RORB: variants seen among roughly 807,000 people sequenced by gnomAD.
RORB encodes the protein RAR related orphan receptor B.
RORB carries 6 observed loss-of-function variants against 59.1 expected under a neutral mutation model. The ratio of observed to expected loss-of-function variants is 0.10; its 90% CI spans 0.06 to 0.20. The LOEUF (loss-of-function observed/expected upper bound fraction) is 0.20, where lower values mean the gene tolerates loss of function less well. Ranked by LOEUF, RORB falls within the 10% of genes least tolerant of loss-of-function variation. The pLI, the probability that RORB is intolerant of heterozygous loss-of-function variation, is 1.00. For synonymous variants in RORB, 215 were observed against 204.5 expected (o/e 1.05, Z -0.44); for missense variants, 320 against 560.5 (o/e 0.57, Z 4.33).
At chr9:74,565,926 A>G (rs539604535) in intron 1 of RORB, among the ~76,000 whole-genome samples, 1 of 152,328 alleles carries the variant, frequency 6.6e-6, no homozygotes, top group South Asian at 2.1e-4. Flanking sequence ...TGCTCTTTGA[A>G]CAAGATGTTC....
intron 1 of RORB, among the ~76,000 whole-genome samples, chr9:74,616,451 G>A (rs1350980938): frequency 6.6e-6 from 1 of 152,092 alleles, no homozygotes; most frequent in Admixed American, 6.6e-5. Context: ...CCTGGTGCTT[G>A]TATTTGTAGG....
chr9:74,565,156 C>G (rs929858792), intron 1 of RORB, among the ~76,000 whole-genome samples: 8 of 152,168 alleles, frequency 5.3e-5, no homozygotes, highest in African/African-American at 1.9e-4. Flanking sequence ...TATTCAGTAA[C>G]TAATGACATG....
At chr9:74,535,539 C>T (rs189985546) in intron 1 of RORB, among the ~76,000 whole-genome samples, 4 of 151,250 alleles carry the variant, frequency 2.6e-5, no homozygotes, top group South Asian at 4.2e-4. Context: ...ATCAATACCG[C>T]CCCCCCACCC....
chr9:74,660,596 A>G, intron 4 of RORB, 21 bp from the exon 5 acceptor site: 2 of 1,597,932 alleles, frequency 1.3e-6, no homozygotes, highest in Non-Finnish European at 1.7e-6. Flanking sequence ...CAAACCTTTG[A>G]ATTGATATCT....
intron 1 of RORB, among the ~76,000 whole-genome samples, chr9:74,518,771 G>T (rs1269280939): frequency 1.3e-5 from 2 of 151,954 alleles, no homozygotes; most frequent in Non-Finnish European, 2.9e-5. Context: ...AAATCAAACA[G>T]ATATAAGATG....
chr9:74,672,426 C>G (rs1824363003), intron 9 of RORB, among the ~76,000 whole-genome samples: 1 of 152,150 alleles, frequency 6.6e-6, no homozygotes, highest in African/African-American at 2.4e-5. Context: ...TTATAAATGA[C>G]ATTCCTACTC....
intron 1 of RORB, among the ~76,000 whole-genome samples, chr9:74,529,574 C>T (rs1826205162): frequency 6.6e-6 from 1 of 151,214 alleles, no homozygotes; most frequent in South Asian, 2.1e-4. Flanking sequence ...GTAAAATATA[C>T]TATTAATAAA....
chr9:74,653,311 C>T (rs1049470814), intron 4 of RORB, among the ~76,000 whole-genome samples: 4 of 152,122 alleles, frequency 2.6e-5, no homozygotes, highest in African/African-American at 9.7e-5. Context: ...CAGTGAATCT[C>T]CTAAGAATTC....
intron 2 of RORB, among the ~76,000 whole-genome samples, chr9:74,633,482 A>C (rs1304226244): frequency 6.6e-6 from 1 of 152,232 alleles, no homozygotes; most frequent in African/African-American, 2.4e-5. Flanking sequence ...AATTTCTCTT[A>C]GAAAGCTTAA....
At chr9:74,499,833 A>G (rs1825782534) in intron 1 of RORB, among the ~76,000 whole-genome samples, 1 of 151,986 alleles carries the variant, frequency 6.6e-6, no homozygotes, top group Admixed American at 6.6e-5. Flanking sequence ...GGCTGGGTTC[A>G]TACTTTCTGA....
chr9:74,589,762 G>T (rs1264224212), intron 1 of RORB, among the ~76,000 whole-genome samples: 1 of 152,160 alleles, frequency 6.6e-6, no homozygotes, highest in African/African-American at 2.4e-5. Flanking sequence ...GGCCTCGCTT[G>T]TTCTGTACTC....
chr9:74,513,884 A>G (rs1260387168), intron 1 of RORB, among the ~76,000 whole-genome samples: 5 of 152,208 alleles, frequency 3.3e-5, no homozygotes, highest in African/African-American at 7.2e-5. Context: ...GTGTTATTGT[A>G]TATACTATGT....
intron 7 of RORB, among the ~76,000 whole-genome samples, chr9:74,666,318 G>A (rs981596271): frequency 1.3e-5 from 2 of 151,574 alleles, no homozygotes; most frequent in Non-Finnish European, 2.9e-5. Flanking sequence ...AAAATTAGCT[G>A]GGCATGGTGA....
chr9:74,629,462 T>G (rs1435584439), intron 1 of RORB, among the ~76,000 whole-genome samples: 1 of 151,866 alleles, frequency 6.6e-6, no homozygotes, highest in Non-Finnish European at 1.5e-5. Context: ...ATGATCACAA[T>G]CCACAATCAT....
chr9:74,535,609 T>C (rs1826311648), intron 1 of RORB, among the ~76,000 whole-genome samples: 1 of 152,024 alleles, frequency 6.6e-6, no homozygotes, highest in Non-Finnish European at 1.5e-5. Flanking sequence ...TGATATTTGA[T>C]ATTTGCAAGG....
At chr9:74,570,907 A>C (rs1218170449) in intron 1 of RORB, among the ~76,000 whole-genome samples, 2 of 151,810 alleles carry the variant, frequency 1.3e-5, no homozygotes, top group East Asian at 3.9e-4. Flanking sequence ...AATATTTTTT[A>C]AAGTAAACCT....
intron 4 of RORB, among the ~76,000 whole-genome samples, chr9:74,650,241 A>G (rs1489970477): frequency 6.6e-6 from 1 of 152,250 alleles, no homozygotes; most frequent in African/African-American, 2.4e-5. Flanking sequence ...ATTATACTGC[A>G]GAGAAGCCAT....
chr9:74,564,650 T>C (rs750926048), intron 1 of RORB, among the ~76,000 whole-genome samples: 15 of 152,296 alleles, frequency 9.8e-5, no homozygotes, highest in Non-Finnish European at 1.0e-4. Flanking sequence ...AGTCAGTAAA[T>C]ATGCAGCTGG....
chr9:74,682,220 A>T (rs1824558222), intron 9 of RORB, among the ~76,000 whole-genome samples: 2 of 140,920 alleles, frequency 1.4e-5, no homozygotes. Flanking sequence ...TCGTCATCTG[A>T]CAGATAAGAA....
Sources: gnomAD v4.1 joint callset for allele counts (sites outside exome capture counted in the v4.1 genomes callset) on GRCh38, gnomAD v4.1.1 for gene constraint, MANE v1.5 for transcripts, NCBI Gene and HGNC (gene_info 2026-07-23, HGNC 2026-07-21) for gene names.